Variants in FOCAD observed in about 807,000 individuals in gnomAD.
FOCAD encodes focadhesin.
In FOCAD, 198 loss-of-function variants were observed where a neutral mutation model predicts 225.6. The observed-to-expected ratio is 0.88, with a 90% CI of 0.78 to 0.99. The LOEUF (loss-of-function observed/expected upper bound fraction) is 0.99, where lower values mean the gene tolerates loss of function less well. FOCAD is among the 50% of genes least tolerant of loss of function. The pLI is 0.00. For synonymous variants in FOCAD, 897 were observed against 755.0 expected (o/e 1.19, Z -3.08); for missense variants, 2,713 against 2,123.6 (o/e 1.28, Z -5.46).
intron 2 of FOCAD, among the ~76,000 whole-genome samples, chr9:20,678,015 GC>G (rs1563870377): frequency 6.6e-6 from 1 of 152,074 alleles, no homozygotes; most frequent in Non-Finnish European, 1.5e-5. Flanking sequence ...TATATCCTTT[GC>G]TTTATTGAAT....
At chr9:20,843,664 C>G (rs950077710) in intron 15 of FOCAD, among the ~76,000 whole-genome samples, 6 of 151,992 alleles carry the variant, frequency 3.9e-5, no homozygotes, top group African/African-American at 1.4e-4. Flanking sequence ...TTGGGAAGTT[C>G]TCTGTTATTA....
At chr9:20,954,976 C>T (rs1244471306) in intron 35 of FOCAD, among the ~76,000 whole-genome samples, 1 of 152,166 alleles carries the variant, frequency 6.6e-6, no homozygotes, top group East Asian at 1.9e-4. Flanking sequence ...CGAGTGTTTT[C>T]TTCTTCAATA....
chr9:20,740,679 A>AG (rs535656806), intron 5 of FOCAD, among the ~76,000 whole-genome samples: 24 of 152,242 alleles, frequency 1.6e-4, no homozygotes, highest in East Asian at 5.8e-4. Context: ...TATTTAAAGC[A>AG]GGGGGGGATT....
At chr9:20,666,940 A>G (rs1821915148) in intron 2 of FOCAD, among the ~76,000 whole-genome samples, 1 of 152,234 alleles carries the variant, frequency 6.6e-6, no homozygotes, top group East Asian at 1.9e-4. Context: ...TTCCTGAAAT[A>G]TGAAATATTC....
intron 28 of FOCAD, among the ~76,000 whole-genome samples, chr9:20,935,345 G>A (rs1396054809): frequency 1.3e-5 from 2 of 152,034 alleles, no homozygotes; most frequent in African/African-American, 4.8e-5. Flanking sequence ...TATCATACAA[G>A]GCACATGTAT....
chr9:20,666,760 C>T lies in FOCAD; in HGVS notation c.-78+7934C>T, dbSNP rs547600305. Among the ~76,000 whole-genome samples, 9 of 152,112 alleles carry T rather than the reference C, an allele frequency of 5.9e-5. No homozygotes were observed. In the East Asian group the frequency reaches 1.7e-3, roughly 29 times the overall value. On this transcript the variant is annotated intron_variant, in intron 2 of 45. Coordinates refer to the FOCAD transcript ENST00000380249. ...TAAAATGTGGTTCCAGTGGTGGCAA[C>T]AATACTGATGTTGGAGGTGTCTGCG...
At chr9:20,901,192 ATGTGTGTGTGTGTGTGTG>A (rs71334562) in intron 21 of FOCAD, among the ~76,000 whole-genome samples, 6 of 105,678 alleles carry the variant, frequency 5.7e-5, no homozygotes, top group African/African-American at 1.9e-4. Flanking sequence ...TGTGGAAACA[ATGTGTGTGTGTGTGTGTG>A]TGTGTGTGTG....
intron 24 of FOCAD, among the ~76,000 whole-genome samples, chr9:20,922,645 T>C (rs1027198772): frequency 1.3e-5 from 2 of 152,238 alleles, no homozygotes; most frequent in Admixed American, 1.3e-4. Context: ...GTTATAGTCC[T>C]GCCCTGAGGT....
In FOCAD at chr9:20,926,434, A is replaced by G. The variant is rs1268272918; in HGVS notation, c.3078+17A>G. On this transcript the variant is annotated intron_variant, in intron 26 of 43. Transcript: ENST00000338382. ...TTTTATTATGTAAGTGCAAAAAATAAAAAATGATCAGAAAACTCAAGAATT... is the reference window on the plus strand; with the variant it reads ...TTTTATTATGTAAGTGCAAAAAATAGAAAATGATCAGAAAACTCAAGAATT... The G allele has an allele frequency of 6.9e-7, 1 of 1,452,930 alleles. No homozygotes were observed. The highest frequency in any genetic ancestry group is 1.4e-5 in the African/African-American group (1 of 71,458). The allele number at this position is 1,452,930 out of a possible 1,614,324, so 90.0% of individuals were successfully genotyped here. A position where few individuals can be genotyped will look rare whatever the true frequency, so the allele number is the denominator to read the frequency against.
chr9:20,888,919 C>G (rs1831364434), intron 21 of FOCAD, among the ~76,000 whole-genome samples: 1 of 152,128 alleles, frequency 6.6e-6, no homozygotes, highest in Non-Finnish European at 1.5e-5. Context: ...GTTTCTTGTG[C>G]AAATTACCCA....
intron 35 of FOCAD, among the ~76,000 whole-genome samples, chr9:20,954,784 A>G (rs1048590296): frequency 6.6e-6 from 1 of 152,190 alleles, no homozygotes; most frequent in Admixed American, 6.5e-5. Context: ...TCGTCTTGTC[A>G]GGTTTGCTGA....
intron 7 of FOCAD, among the ~76,000 whole-genome samples, chr9:20,768,777 A>G (rs1817863244): frequency 6.6e-6 from 1 of 152,118 alleles, no homozygotes; most frequent in Admixed American, 6.6e-5. Flanking sequence ...CTTTCATTTT[A>G]TAGATGTAGA....
At chr9:20,658,018 T>G (rs1332316969), upstream of FOCAD, among the ~76,000 whole-genome samples, 4 of 143,604 alleles carry the variant, frequency 2.8e-5, no homozygotes, top group Admixed American at 2.8e-4. Flanking sequence ...CAGCTGCAGG[T>G]CTGTTGGAAT....
chr9:20,675,685 T>C (rs1481711287), intron 2 of FOCAD, among the ~76,000 whole-genome samples: 1 of 152,228 alleles, frequency 6.6e-6, no homozygotes, highest in Non-Finnish European at 1.5e-5. Flanking sequence ...GTTAATTAAA[T>C]CATGTTTGAT....
At chr9:20,824,440 C>T (rs1376762212) in intron 15 of FOCAD, among the ~76,000 whole-genome samples, 1 of 151,936 alleles carries the variant, frequency 6.6e-6, no homozygotes, top group Non-Finnish European at 1.5e-5. Flanking sequence ...GTAATTTAGC[C>T]TTATTGCTTT....
At chr9:20,720,646 C>G in intron 4 of FOCAD, 112 bp downstream of exon 4, 1 of 1,057,708 alleles carries the variant, frequency 9.5e-7, no homozygotes, top group Non-Finnish European at 1.4e-6. Flanking sequence ...GTTTTTCTTG[C>G]TCTTAAAATG....
At position 20,758,115 on chromosome 9, in the gene FOCAD, G is replaced by T. The variant is rs1411565619; in HGVS notation, c.418G>T (p.Val140Leu). ...IRNHPHPLIT[V>L]LEHRPDCWPV... ...AAATCATCCTCATCCTTTGATAACT[G>T]TGCTTGAACACAGACCTGATTGCTG... The change falls in exon 6 of 44, where the codon GTG becomes TTG. Residue 140 changes from valine to leucine, a missense_variant. By Grantham distance (32) the Val-to-Leu change is conservative. Transcript: ENST00000338382. 1 of 1,611,030 alleles carries T rather than the reference G, an allele frequency of 6.2e-7. No homozygotes were observed. The highest frequency in any genetic ancestry group is 1.7e-5 in the Admixed American group (1 of 59,350).
Position 20,926,387 on chromosome 9 carries a change from C to A in FOCAD, c.3048C>A (p.Pro1016=). 6.2e-7 allele frequency: 1 copy of A among 1,610,878 alleles called. No individual in the cohort carries two copies. Among genetic ancestry groups the A allele is most frequent in the Non-Finnish European group, 8.5e-7 (1 of 1,177,104 alleles). Residue 1016 remains proline, a synonymous_variant, in exon 26 of 44, where the codon CCC becomes CCA. Coordinates refer to ENST00000338382, the MANE Select transcript of FOCAD (RefSeq NM_001375567.1). ...TCATTGTGGATAGCCATTACCAACC[C>A]AGAGGGCAACTTCTCTCCTGGTTTT... is the stretch of plus-strand genomic sequence containing the variant. ...LLVIVDSHYQ[P]RGQLLSWFYY... is the part of the protein sequence containing the mutation.
chr9:20,919,173 GACAA>G (rs535362203), intron 24 of FOCAD, among the ~76,000 whole-genome samples: 139 of 152,236 alleles, frequency 9.1e-4, no homozygotes, highest in African/African-American at 3.0e-3. Context: ...ACCAATAACA[GACAA>G]ACAGAGAGCC....
Sources: gnomAD v4.1 joint callset for allele counts (sites outside exome capture counted in the v4.1 genomes callset) on GRCh38, gnomAD v4.1.1 for gene constraint, MANE v1.5 for transcripts, NCBI Gene and HGNC (gene_info 2026-07-23, HGNC 2026-07-21) for gene names.